SGCZ: variants seen among roughly 807,000 people sequenced by gnomAD.
SGCZ encodes sarcoglycan zeta.
In SGCZ, 40 loss-of-function variants were observed where a neutral mutation model predicts 41.3. The ratio of observed to expected loss-of-function variants is 0.97; its 90% confidence interval spans 0.75 to 1.26. The LOEUF (loss-of-function observed/expected upper bound fraction) is 1.26, where lower values mean the gene tolerates loss of function less well. SGCZ is among the 50% of genes most tolerant of loss of function. The pLI, the probability that SGCZ is intolerant of heterozygous loss-of-function variation, is 0.00. For synonymous variants in SGCZ, 206 were observed against 137.5 expected, an observed-to-expected ratio of 1.50 and a Z score of -3.49; for missense variants, 552 against 369.8, an observed-to-expected ratio of 1.49 and a Z score of -4.04.
chr8:15,119,504 C>G (rs2116947132), intron 1 of SGCZ, among the ~76,000 whole-genome samples: 1 of 149,484 alleles, frequency 6.7e-6, no homozygotes, highest in African/African-American at 2.5e-5. Context: ...TGCACTCAGC[C>G]TAGGCAACAG....
intron 2 of SGCZ, among the ~76,000 whole-genome samples, chr8:14,405,816 C>T (rs1229507615): frequency 6.6e-6 from 1 of 152,076 alleles, no homozygotes; most frequent in Admixed American, 6.6e-5. Context: ...TTTATAAATA[C>T]ATTAGAACAT....
chr8:14,259,183 C>A (rs1296863497), intron 3 of SGCZ, among the ~76,000 whole-genome samples: 1 of 152,042 alleles, frequency 6.6e-6, no homozygotes, highest in Non-Finnish European at 1.5e-5. Flanking sequence ...TCCATTTATG[C>A]CATAGATAAA....
chr8:14,483,415 T>C (rs1338968966), intron 2 of SGCZ, among the ~76,000 whole-genome samples: 1 of 152,060 alleles, frequency 6.6e-6, no homozygotes, highest in Admixed American at 6.6e-5. Context: ...ACAAACAATT[T>C]AAAAAATTAG....
At chr8:14,357,032 T>C (rs1243841124) in intron 2 of SGCZ, among the ~76,000 whole-genome samples, 1 of 152,112 alleles carries the variant, frequency 6.6e-6, no homozygotes, top group Non-Finnish European at 1.5e-5. Flanking sequence ...AATATAATTA[T>C]TTATAATTGA....
intron 1 of SGCZ, chr8:14,879,709 C>T (rs751763118): frequency 6.6e-6 from 1 of 151,956 alleles, no homozygotes; most frequent in African/African-American, 2.4e-5. Context: ...TGCTCCTAAA[C>T]ACACCAGCCT....
At chr8:15,018,815 C>T (rs1252868795) in intron 1 of SGCZ, among the ~76,000 whole-genome samples, 2 of 152,340 alleles carry the variant, frequency 1.3e-5, no homozygotes, top group Admixed American at 6.5e-5. Context: ...GTTTAATTGG[C>T]TCATGCTTCC....
chr8:15,161,153 G>T (rs982740538), intron 1 of SGCZ, among the ~76,000 whole-genome samples: 4 of 151,882 alleles, frequency 2.6e-5, no homozygotes, highest in Non-Finnish European at 5.9e-5. Context: ...CCCTCCTCCT[G>T]TGGGTCCAAC....
intron 5 of SGCZ, among the ~76,000 whole-genome samples, chr8:14,157,936 C>T (rs1250118763): frequency 1.3e-5 from 2 of 152,182 alleles, no homozygotes; most frequent in Non-Finnish European, 2.9e-5. Flanking sequence ...AATCCCAGAA[C>T]TTTGGGAGGC....
chr8:14,100,035 T>G (rs954963526), intron 7 of SGCZ, among the ~76,000 whole-genome samples: 11 of 152,150 alleles, frequency 7.2e-5, no homozygotes, highest in Admixed American at 3.3e-4. Flanking sequence ...GGACTTTATA[T>G]CCCTCTATAT....
At chr8:15,084,162 T>G (rs771328688) in intron 1 of SGCZ, among the ~76,000 whole-genome samples, 1 of 152,226 alleles carries the variant, frequency 6.6e-6, no homozygotes, top group Non-Finnish European at 1.5e-5. Context: ...GAATTCTGAC[T>G]GGCATATGTC....
chr8:14,664,414 A>C (rs965501728), intron 1 of SGCZ, among the ~76,000 whole-genome samples: 1 of 152,196 alleles, frequency 6.6e-6, no homozygotes, highest in Non-Finnish European at 1.5e-5. Flanking sequence ...GTGTCTTTAA[A>C]ATGAAAGAAA....
intron 2 of SGCZ, among the ~76,000 whole-genome samples, chr8:14,410,256 C>G (rs994101491): frequency 1.3e-5 from 2 of 151,978 alleles, no homozygotes; most frequent in East Asian, 3.9e-4. Context: ...AACTGTCTTC[C>G]ACAAAACCCA....
At chr8:14,542,552 T>C (rs982213652) in intron 2 of SGCZ, among the ~76,000 whole-genome samples, 3 of 152,112 alleles carry the variant, frequency 2.0e-5, no homozygotes, top group Middle Eastern at 3.2e-3. Flanking sequence ...TCCTGTTACT[T>C]AGAGCACCGA....
At position 14,978,752 on chromosome 8, in the gene SGCZ, G is replaced by C. The variant is rs575916560; in HGVS notation, c.39+258833C>G. Among the ~76,000 whole-genome samples the C allele has an allele frequency of 3.4e-4, 52 of 152,020 alleles. No homozygotes were observed. The South Asian group carries it at 0.011, about 32-fold the overall frequency. ...TCTGTATTTCTCAAACACTAAAGAAGACCGATAAATTGATGACGGATTTCC... is the reference window on the plus strand; with the variant it reads ...TCTGTATTTCTCAAACACTAAAGAACACCGATAAATTGATGACGGATTTCC... On this transcript the variant is annotated intron_variant, in intron 1 of 7. Transcript: ENST00000382080.
intron 1 of SGCZ, among the ~76,000 whole-genome samples, chr8:14,811,500 C>T (rs902313380): frequency 5.4e-5 from 7 of 129,792 alleles, no homozygotes; most frequent in Non-Finnish European, 7.8e-5. Context: ...ATGAAACATT[C>T]GCTGAAAGAC....
chr8:14,529,978 G>C (rs1803076437), intron 2 of SGCZ, among the ~76,000 whole-genome samples: 1 of 152,062 alleles, frequency 6.6e-6, no homozygotes, highest in African/African-American at 2.4e-5. Flanking sequence ...GAATGCACAA[G>C]TGCTGCATAA....
intron 2 of SGCZ, among the ~76,000 whole-genome samples, chr8:14,365,698 T>C (rs998848255): frequency 4.6e-5 from 7 of 152,150 alleles, no homozygotes; most frequent in Admixed American, 1.3e-4. Flanking sequence ...ACTTTAAAAA[T>C]AGGAAATAGG....
chr8:14,502,146 T>A (rs1323401218), intron 2 of SGCZ, among the ~76,000 whole-genome samples: 1 of 152,236 alleles, frequency 6.6e-6, no homozygotes, highest in African/African-American at 2.4e-5. Context: ...AGCTAGTAAG[T>A]CATTAAGAAT....
chr8:14,563,315 G>A (rs746243689), intron 1 of SGCZ, among the ~76,000 whole-genome samples: 3 of 152,176 alleles, frequency 2.0e-5, no homozygotes, highest in Non-Finnish European at 4.4e-5. Context: ...GGAAGTGGAA[G>A]AAGGAGGGCA....
Sources: gnomAD v4.1 joint callset for allele counts (sites outside exome capture counted in the v4.1 genomes callset) on GRCh38, gnomAD v4.1.1 for gene constraint, MANE v1.5 for transcripts, NCBI Gene and HGNC (gene_info 2026-07-23, HGNC 2026-07-21) for gene names.